Variants in TYW5 observed in about 807,000 individuals in gnomAD.
TYW5 encodes the protein tRNA wybutosine-synthesizing protein 5.
TYW5 carries 36 observed loss-of-function variants against 44.4 expected under a neutral mutation model. The ratio of observed to expected loss-of-function variants is 0.81; its 90% CI spans 0.62 to 1.07. The LOEUF is 1.07. Among genes scored for constraint, TYW5 ranks in the 50% least tolerant of loss-of-function variants. The probability of loss-of-function intolerance (pLI) is 0.00; values close to 1 mark genes in which losing one functional copy is unlikely to be tolerated. For synonymous variants in TYW5, 121 were observed against 128.1 expected, an observed-to-expected ratio of 0.94 and a Z score of 0.37; for missense variants, 354 against 365.7, an observed-to-expected ratio of 0.97 and a Z score of 0.26.
rs767293527 is a variant in TYW5, at chr2:199,939,088, TAA to T, written c.349-20_349-19del. On this transcript the variant is annotated intron_variant, in intron 4 of 7. Transcript: ENST00000354611. ...GCAACATCCTGCATTTACAGAAACATAAAAAGAAAAAATTAGATTAGACCCTA... is the reference window on the plus strand; with the variant it reads ...GCAACATCCTGCATTTACAGAAACATAAAGAAAAAATTAGATTAGACCCTA... 21 of 1,581,984 alleles carry T rather than the reference TAA, an allele frequency of 1.3e-5. No individual in the cohort carries two copies. Among genetic ancestry groups the T allele is most frequent in the African/African-American group, 1.2e-4 (9 of 72,868 alleles).
intron 3 of TYW5, chr2:199,943,045 T>C (rs1481634411): frequency 1.3e-5 from 2 of 152,106 alleles, no homozygotes; most frequent in African/African-American, 2.4e-5. Context: ...TAGTAGAGAC[T>C]GGGTTTCTCC....
At chr2:199,938,837 G>C (rs2077441601) in intron 5 of TYW5, 96 bp downstream of exon 5, 46 of 1,292,488 alleles carry the variant, frequency 3.6e-5, no homozygotes, top group Non-Finnish European at 4.6e-5. Context: ...TTACACAGAT[G>C]TTTAGGGTAA....
At chr2:199,941,957 GAC>G (rs1039999775) in intron 3 of TYW5, 6 of 152,344 alleles carry the variant, frequency 3.9e-5, no homozygotes, top group Admixed American at 1.3e-4. Flanking sequence ...AGTTGGCAGA[GAC>G]TGTCAGATCT....
intron 5 of TYW5, among the ~76,000 whole-genome samples, chr2:199,938,354 G>A (rs116725131): frequency 0.038 from 5,804 of 152,130 alleles, 152 homozygotes; most frequent in Non-Finnish European, 0.061. Flanking sequence ...GTGAGCCACC[G>A]CGCCCAGCAG....
chr2:199,933,059 TTCA>T lies in TYW5; in HGVS notation c.*5_*7del. ...AAGTGTTAATGTGCATTGCATTCAC[TTCA>T]TTATTTACTCAGAGTTCTTGCTGTA... is the stretch of plus-strand genomic sequence containing the variant. On this transcript the variant is annotated 3_prime_UTR_variant, in exon 8 of 8. Transcript: ENST00000354611. 6.2e-7 allele frequency: 1 copy of T among 1,613,124 alleles called. No individual in the cohort carries two copies. Among genetic ancestry groups the T allele is most frequent in the Admixed American group, 1.7e-5 (1 of 59,864 alleles).
chr2:199,931,024 TAAAC>T lies in TYW5; in HGVS notation c.*2039_*2042del, dbSNP rs2077373221. 1 of 152,186 alleles carries T rather than the reference TAAAC, an allele frequency of 6.6e-6. No individual in the cohort carries two copies. Among genetic ancestry groups the T allele is most frequent in the Non-Finnish European group, 1.5e-5 (1 of 68,020 alleles). The allele number at this position is 152,186 out of a possible 1,614,324, so 9.4% of individuals were successfully genotyped here. A position where few individuals can be genotyped will look rare whatever the true frequency, so the allele number is the denominator to read the frequency against. ...AGATTAAAATATTTTGTATTTGAAA[TAAAC>T]AGACCCTAATATTAATTATGACCAG... is the stretch of plus-strand genomic sequence containing the variant. On this transcript the variant is annotated 3_prime_UTR_variant, in exon 8 of 8. Coordinates refer to ENST00000354611, the MANE Select transcript of TYW5 (RefSeq NM_001039693.3).
At chr2:199,949,449 C>T (rs1306606390) in intron 1 of TYW5, among the ~76,000 whole-genome samples, 1 of 152,106 alleles carries the variant, frequency 6.6e-6, no homozygotes, top group Non-Finnish European at 1.5e-5. Flanking sequence ...CTAATTGTCC[C>T]AATGATTTCC....
At chr2:199,939,972 G>C (rs941646863) in intron 4 of TYW5, 117 bp downstream of exon 4, 19 of 977,742 alleles carry the variant, frequency 1.9e-5, no homozygotes, top group Non-Finnish European at 2.9e-5. Context: ...AGAGAAGAAT[G>C]GAAAAGGATA....
chr2:199,929,968 A>G lies in TYW5; in HGVS notation c.*3099T>C. On this transcript the variant is annotated 3_prime_UTR_variant, in exon 8 of 8. Transcript: ENST00000354611. The stretch of plus-strand genomic sequence containing the variant: ...CCACCACTCCCCAGCTCTGCATATA[A>G]TATTTTTTTTTTTTTTTTTTTTTTT... 7.1e-6 allele frequency: 1 copy of G among 140,616 alleles called. No homozygotes were observed. The highest frequency in any genetic ancestry group is 1.5e-5 in the Non-Finnish European group (1 of 68,730). 8.7% of individuals were successfully genotyped at this position (140,616 alleles called of 1,614,324 possible). A position where few individuals can be genotyped will look rare whatever the true frequency, so the allele number is the denominator to read the frequency against.
rs192360884 is a variant in TYW5, at chr2:199,932,214, C to G, written c.*853G>C. 6 of 152,258 alleles carry G rather than the reference C, an allele frequency of 3.9e-5. No homozygotes were observed. The East Asian group carries it at 1.2e-3, about 29-fold the overall frequency. The allele number at this position is 152,258 out of a possible 1,614,324, so 9.4% of individuals were successfully genotyped here. A position where few individuals can be genotyped will look rare whatever the true frequency, so the allele number is the denominator to read the frequency against. On this transcript the variant is annotated 3_prime_UTR_variant, in exon 8 of 8. Transcript: ENST00000354611. The stretch of plus-strand genomic sequence containing the variant: ...ACACCCTGTGAGGTCTATTAAGTTC[C>G]TATACCAAATCCCAAACACTCTTGA...
rs2077374675 is a variant in TYW5, at chr2:199,931,195, A to G, written c.*1872T>C. ...GAAGAACTAGCACCAGTTATCAACT[A>G]TGTGCCTGCCCTTGAACTCTCTGCA... On this transcript the variant is annotated 3_prime_UTR_variant, in exon 8 of 8. Transcript: ENST00000354611. 1 of 152,218 alleles carries G rather than the reference A, an allele frequency of 6.6e-6. No individual in the cohort carries two copies. Among genetic ancestry groups the G allele is most frequent in the Non-Finnish European group, 1.5e-5 (1 of 68,032 alleles). 9.4% of individuals were successfully genotyped at this position (152,218 alleles called of 1,614,324 possible).
At position 199,931,014 on chromosome 2, in the gene TYW5, G is replaced by C. The variant is rs954684480; in HGVS notation, c.*2053C>G. On this transcript the variant is annotated 3_prime_UTR_variant, in exon 8 of 8. Coordinates refer to ENST00000354611, the MANE Select transcript of TYW5 (RefSeq NM_001039693.3). Reference sequence around the variant, plus strand: ...TAGGAAGAAAAGATTAAAATATTTTGTATTTGAAATAAACAGACCCTAATA... The same window carrying C: ...TAGGAAGAAAAGATTAAAATATTTTCTATTTGAAATAAACAGACCCTAATA... 1.3e-5 allele frequency: 2 copies of C among 152,130 alleles called. No homozygotes were observed. The highest frequency in any genetic ancestry group is 2.4e-5 in the African/African-American group (1 of 41,424). 9.4% of individuals were successfully genotyped at this position (152,130 alleles called of 1,614,324 possible).
rs1367701103 is a variant in TYW5, at chr2:199,933,199, TGCTGCTGTA to T, written c.807_815del (p.Thr270_Ala272del). 1.9e-6 allele frequency: 3 copies of T among 1,614,196 alleles called. No homozygotes were observed. The South Asian group carries it at 3.3e-5, about 18-fold the overall frequency. ...TGTCCAGAATTTGTGCAGCTCTTGA[TGCTGCTGTA>T]GGATCTTTGTTTCCATAGGTATCTG... is the stretch of plus-strand genomic sequence containing the variant. On this transcript the variant is annotated inframe_deletion, in exon 8 of 8. Coordinates refer to ENST00000354611, the MANE Select transcript of TYW5 (RefSeq NM_001039693.3).
At position 199,929,398 on chromosome 2, in the gene TYW5, G is replaced by A. The variant is rs1022263094; in HGVS notation, c.*3669C>T. 6.6e-6 allele frequency among the ~76,000 whole-genome samples: 1 copy of A among 151,974 alleles called. No homozygotes were observed. Among genetic ancestry groups the A allele is most frequent in the African/African-American group, 2.4e-5 (1 of 41,352 alleles). ...TAAGACACCCAAAAACTTGTGGCTT[G>A]TATGCTTGAAACAAGACTAAGGTAA... On this transcript the variant is annotated 3_prime_UTR_variant, in exon 8 of 8. Coordinates refer to ENST00000354611, the MANE Select transcript of TYW5 (RefSeq NM_001039693.3).
intron 3 of TYW5, chr2:199,942,515 CTATT>C (rs1448623297): frequency 6.6e-6 from 1 of 152,184 alleles, no homozygotes; most frequent in Non-Finnish European, 1.5e-5. Context: ...CATTTCATGG[CTATT>C]TAAATATATA....
chr2:199,933,415 C>A, intron 7 of TYW5, 92 bp from the exon 8 acceptor site: 1 of 1,058,442 alleles, frequency 9.4e-7, no homozygotes, highest in Non-Finnish European at 1.4e-6. Flanking sequence ...TGCATATAGC[C>A]AATGTAAGAA....
At chr2:199,952,473 G>GT (rs869159199) in intron 1 of TYW5, among the ~76,000 whole-genome samples, 2 of 152,126 alleles carry the variant, frequency 1.3e-5, no homozygotes, top group Admixed American at 6.5e-5. Context: ...CCATTTTAAT[G>GT]TTTTTTCCCC....
At chr2:199,936,368 A>G (rs757954365) in intron 6 of TYW5, 37 bp downstream of exon 6, 2 of 1,534,292 alleles carry the variant, frequency 1.3e-6, no homozygotes, top group Non-Finnish European at 1.8e-6. Context: ...GTAACTGAAT[A>G]GACTTTTGAA....
chr2:199,950,957 G>A (rs1355741626), intron 1 of TYW5, among the ~76,000 whole-genome samples: 1 of 152,120 alleles, frequency 6.6e-6, no homozygotes, highest in Non-Finnish European at 1.5e-5. Flanking sequence ...TTTTCCATTT[G>A]TAAACATTTA....
Sources: allele counts gnomAD v4.1 joint callset (sites outside exome capture counted in the v4.1 genomes callset), GRCh38; gene constraint gnomAD v4.1.1; transcripts MANE v1.5; gene names NCBI Gene and HGNC (gene_info 2026-07-23, HGNC 2026-07-21).